The following ANKRD33B variants were observed in gnomAD, a reference collection of about 807,000 sequenced individuals.
The protein encoded by ANKRD33B is ankyrin repeat domain 33B.
A neutral mutation model predicts 21.5 loss-of-function variants in ANKRD33B; 6 were observed. The ratio of observed to expected loss-of-function variants is 0.28; its 90% CI spans 0.15 to 0.55. The LOEUF (loss-of-function observed/expected upper bound fraction) is 0.55. ANKRD33B is among the 20% of genes least tolerant of loss of function. The probability of loss-of-function intolerance (pLI) is 0.94; values close to 1 mark genes in which losing one functional copy is unlikely to be tolerated. For missense variants in ANKRD33B, 698 were observed against 747.2 expected (o/e 0.93, Z 0.77); for synonymous variants, 347 against 342.4 (o/e 1.01, Z -0.15).
intron 3 of ANKRD33B, among the ~76,000 whole-genome samples, chr5:10,648,830 G>A (rs1737247929): frequency 6.6e-6 from 1 of 150,758 alleles, no homozygotes; most frequent in African/African-American, 2.4e-5. Context: ...AATCAATGGA[G>A]CACTTAAAAG....
intron 3 of ANKRD33B, among the ~76,000 whole-genome samples, chr5:10,648,403 C>G (rs1235210817): frequency 6.6e-6 from 1 of 152,244 alleles, no homozygotes; most frequent in Non-Finnish European, 1.5e-5. Context: ...GTATGCAAGG[C>G]AGCTTTGTTG....
At chr5:10,635,294 G>A (rs542894546) in intron 2 of ANKRD33B, among the ~76,000 whole-genome samples, 10 of 152,258 alleles carry the variant, frequency 6.6e-5, no homozygotes, top group South Asian at 2.1e-4. Flanking sequence ...GACAGGTGCC[G>A]CCAAGCATTT....
chr5:10,589,450 A>T (rs1330971278), intron 1 of ANKRD33B, among the ~76,000 whole-genome samples: 1 of 152,210 alleles, frequency 6.6e-6, no homozygotes. Context: ...GTAAGGGAGT[A>T]CATTTCCTTC....
In ANKRD33B at chr5:10,575,978, TACAC is replaced by T. The variant is rs60058725; in HGVS notation, c.366+11162_366+11165del. ...GGTTAAAATTGTATAGATGGACGTA[TACAC>T]ACACACACACACACACGATTGTGTG... is the stretch of plus-strand genomic sequence containing the variant. On this transcript the variant is annotated intron_variant, in intron 1 of 3. Coordinates refer to ENST00000296657, the MANE Select transcript of ANKRD33B (RefSeq NM_001164440.2). 2.3e-3 allele frequency among the ~76,000 whole-genome samples: 338 copies of T among 150,064 alleles called. 1 individual carries two copies. Among genetic ancestry groups the T allele is most frequent in the Middle Eastern group, 0.01 (3 of 290 alleles).
At chr5:10,579,909 AT>A (rs1338507757) in intron 1 of ANKRD33B, among the ~76,000 whole-genome samples, 1 of 152,246 alleles carries the variant, frequency 6.6e-6, no homozygotes, top group African/African-American at 2.4e-5. Flanking sequence ...TTGTACAATT[AT>A]CCCCACAGTT....
intron 1 of ANKRD33B, among the ~76,000 whole-genome samples, chr5:10,591,212 A>C (rs1317166743): frequency 4.1e-5 from 1 of 24,320 alleles, no homozygotes; most frequent in African/African-American, 1.3e-4. Context: ...TTTTTTTTTG[A>C]GATGGAGTCT....
chr5:10,608,662 G>GAA (rs35432250), intron 1 of ANKRD33B, among the ~76,000 whole-genome samples: 138 of 145,018 alleles, frequency 9.5e-4, no homozygotes, highest in Admixed American at 2.7e-3. Context: ...ACCTCACTAT[G>GAA]AAAAAAAAAA....
At chr5:10,593,874 A>C (rs1288404597) in intron 1 of ANKRD33B, among the ~76,000 whole-genome samples, 1 of 152,030 alleles carries the variant, frequency 6.6e-6, no homozygotes, top group Non-Finnish European at 1.5e-5. Context: ...TTCTGCTGCA[A>C]GACTACTCTT....
chr5:10,607,856 A>G (rs373920881), intron 1 of ANKRD33B, among the ~76,000 whole-genome samples: 36 of 152,264 alleles, frequency 2.4e-4, no homozygotes, highest in African/African-American at 8.7e-4. Context: ...GCTCCTTGTT[A>G]CTGAGTGCCT....
intron 1 of ANKRD33B, among the ~76,000 whole-genome samples, chr5:10,593,120 A>T (rs1386989427): frequency 1.3e-5 from 2 of 152,138 alleles, no homozygotes; most frequent in Non-Finnish European, 1.5e-5. Flanking sequence ...GATCTTAATT[A>T]TGCTTATTAT....
At chr5:10,592,053 G>A (rs1735707435) in intron 1 of ANKRD33B, among the ~76,000 whole-genome samples, 1 of 139,310 alleles carries the variant, frequency 7.2e-6, no homozygotes, top group Non-Finnish European at 1.5e-5. Context: ...TAGTCCTTTT[G>A]TATTATCTTT....
intron 2 of ANKRD33B, among the ~76,000 whole-genome samples, chr5:10,629,798 T>A (rs777463019): frequency 1.3e-5 from 2 of 151,836 alleles, no homozygotes; most frequent in Non-Finnish European, 2.9e-5. Flanking sequence ...ATCAGAAGGG[T>A]GAGCATCTGC....
In ANKRD33B at chr5:10,647,005, G is replaced by C. The variant is rs540297153; in HGVS notation, c.638-2261G>C. 4.7e-4 allele frequency among the ~76,000 whole-genome samples: 72 copies of C among 152,314 alleles called. No homozygotes were observed. The South Asian group carries it at 0.01, about 21-fold the overall frequency. On this transcript the variant is annotated intron_variant, in intron 3 of 3. Transcript: ENST00000296657. ...ATGGGATATAAATGAAGAAGCGTCTGTCGGGTCCGGTCCCCTTTGAGCTCA... is the reference window on the plus strand; with the variant it reads ...ATGGGATATAAATGAAGAAGCGTCTCTCGGGTCCGGTCCCCTTTGAGCTCA...
intron 1 of ANKRD33B, among the ~76,000 whole-genome samples, chr5:10,569,628 A>ATAG (rs1352925202): frequency 2.0e-5 from 3 of 152,184 alleles, no homozygotes; most frequent in African/African-American, 7.2e-5. Context: ...AAATAAATAG[A>ATAG]GGCATGTATG....
At chr5:10,647,780 T>A (rs1737221631) in intron 3 of ANKRD33B, among the ~76,000 whole-genome samples, 1 of 152,256 alleles carries the variant, frequency 6.6e-6, no homozygotes, top group Non-Finnish European at 1.5e-5. Context: ...GTGGAATTTC[T>A]TTGTTTCCAG....
chr5:10,590,540 T>G (rs929741520), intron 1 of ANKRD33B, among the ~76,000 whole-genome samples: 4 of 152,224 alleles, frequency 2.6e-5, no homozygotes, highest in Non-Finnish European at 1.5e-5. Context: ...AGGATGACTT[T>G]GAATGCAGCC....
intron 1 of ANKRD33B, among the ~76,000 whole-genome samples, chr5:10,616,712 G>A (rs939795878): frequency 6.7e-6 from 1 of 150,324 alleles, no homozygotes; most frequent in African/African-American, 2.4e-5. Flanking sequence ...CTCCTGCCCT[G>A]GGTTGAATTT....
rs1735015092 is a variant in ANKRD33B at position 10,564,952 on chromosome 5, C to T, written c.366+119C>T. ...GACCGGTCCCTCGGTCACTCAGCCGCCGCCCAGAGCGCCTTTTCCCCGCTG... is the reference window on the plus strand; with the variant it reads ...GACCGGTCCCTCGGTCACTCAGCCGTCGCCCAGAGCGCCTTTTCCCCGCTG... On this transcript the variant is annotated intron_variant, in intron 1 of 3. Coordinates refer to ENST00000296657, the MANE Select transcript of ANKRD33B (RefSeq NM_001164440.2). The T allele has an allele frequency of 3.0e-6, 4 of 1,332,502 alleles. No individual in the cohort carries two copies. The Admixed American group carries it at 1.2e-4, about 39-fold the overall frequency. 82.5% of individuals were successfully genotyped at this position (1,332,502 alleles called of 1,614,324 possible).
Position 10,568,610 on chromosome 5 carries a change from C to T in ANKRD33B, c.366+3777C>T, listed in dbSNP as rs985505015. Among the ~76,000 whole-genome samples, 3 of 152,260 alleles carry T rather than the reference C, an allele frequency of 2.0e-5. No homozygotes were observed. In the South Asian group the frequency reaches 6.2e-4, roughly 31 times the overall value. On this transcript the variant is annotated intron_variant, in intron 1 of 3. Transcript: ENST00000296657. The stretch of plus-strand genomic sequence containing the variant: ...AGTGCAGTGGCGCAATCTCTGCTCA[C>T]TGCAACCTCCGCCTCCGGGGTTCAA...
Sources: allele counts gnomAD v4.1 joint callset (sites outside exome capture counted in the v4.1 genomes callset), GRCh38; gene constraint gnomAD v4.1.1; transcripts MANE v1.5; gene names NCBI Gene and HGNC (gene_info 2026-07-23, HGNC 2026-07-21).